SORBS2: variants seen among roughly 807,000 people sequenced by gnomAD.
SORBS2 encodes the protein sorbin and SH3 domain containing 2.
In SORBS2, 46 loss-of-function variants were observed where a neutral mutation model predicts 97.7. That is an observed-to-expected ratio of 0.47 (90% CI 0.37 to 0.60). The LOEUF (loss-of-function observed/expected upper bound fraction) is 0.60. Among genes scored for constraint, SORBS2 ranks in the 20% least tolerant of loss-of-function variants. The pLI, the probability that SORBS2 is intolerant of heterozygous loss-of-function variation, is 0.00. For synonymous variants in SORBS2, 476 were observed against 473.4 expected, an observed-to-expected ratio of 1.01 and a Z score of -0.07; for missense variants, 1,316 against 1,282.3, an observed-to-expected ratio of 1.03 and a Z score of -0.40.
At chr4:185,860,302 G>GA in intron 1 of SORBS2, among the ~76,000 whole-genome samples, 1 of 152,256 alleles carries the variant, frequency 6.6e-6, no homozygotes, top group Non-Finnish European at 1.5e-5. Flanking sequence ...AGAGGATGAT[G>GA]GTAAATAAAC....
chr4:185,658,062 G>A (rs746754435), upstream of SORBS2, among the ~76,000 whole-genome samples: 94 of 152,122 alleles, frequency 6.2e-4, no homozygotes, highest in Admixed American at 1.5e-3. Flanking sequence ...GTTTTGAAAT[G>A]TATTTCCAGA....
At chr4:185,759,820 T>C (rs1264506830) in intron 2 of SORBS2, among the ~76,000 whole-genome samples, 2 of 152,226 alleles carry the variant, frequency 1.3e-5, no homozygotes, top group Admixed American at 6.5e-5. Context: ...GTTGCTCTCA[T>C]GGTCTTATGT....
chr4:185,775,597 T>C (rs1360775150), intron 1 of SORBS2: 1 of 152,202 alleles, frequency 6.6e-6, no homozygotes, highest in Non-Finnish European at 1.5e-5. Context: ...AATATTCATT[T>C]AAATTTTGAG....
chr4:185,884,012 C>T (rs1026361), intron 1 of SORBS2, among the ~76,000 whole-genome samples: 41,736 of 151,944 alleles, frequency 0.27, 6,011 homozygotes, highest in East Asian at 0.54. Flanking sequence ...GACAGAAGTC[C>T]GATCAGTTTT....
exon 1 of SORBS2, chr4:185,656,714 C>T (rs2097411491): frequency 1.3e-6 from 2 of 1,546,982 alleles, no homozygotes. Flanking sequence ...CTGCTGCCTG[C>T]CCAGGCTCTC....
At chr4:185,626,797 T>G in intron 6 of SORBS2, 35 bp downstream of exon 18, 1 of 1,605,696 alleles carries the variant, frequency 6.2e-7, no homozygotes, top group Non-Finnish European at 8.5e-7. Flanking sequence ...AAACGTAAAC[T>G]AGTAAATTGT....
At chr4:185,709,612 C>T (rs2098400023) in intron 2 of SORBS2, among the ~76,000 whole-genome samples, 1 of 152,048 alleles carries the variant, frequency 6.6e-6, no homozygotes, top group South Asian at 2.1e-4. Flanking sequence ...ATTAACCTAC[C>T]CTTCCCTAAC....
chr4:185,600,885 C>A (rs1254387933), intron 12 of SORBS2, among the ~76,000 whole-genome samples: 1 of 151,256 alleles, frequency 6.6e-6, no homozygotes, highest in Non-Finnish European at 1.5e-5. Context: ...GAAGTGCCAA[C>A]CTGTGGGCTG....
chr4:185,718,580 G>A (rs1410682277), intron 2 of SORBS2, among the ~76,000 whole-genome samples: 1 of 152,170 alleles, frequency 6.6e-6, no homozygotes, highest in Admixed American at 6.5e-5. Context: ...GTGCACAGTT[G>A]GCGTACAGGT....
intron 2 of SORBS2, among the ~76,000 whole-genome samples, chr4:185,697,807 T>C (rs1424246779): frequency 6.6e-6 from 1 of 152,194 alleles, no homozygotes; most frequent in Non-Finnish European, 1.5e-5. Flanking sequence ...AGCACACATT[T>C]CTATTTTGAG....
intron 1 of SORBS2, among the ~76,000 whole-genome samples, chr4:185,903,113 A>G (rs2099248618): frequency 6.6e-6 from 1 of 152,246 alleles, no homozygotes. Context: ...AATATCAGCC[A>G]TCATTATTTC....
chr4:185,660,675 T>A, upstream of SORBS2, among the ~76,000 whole-genome samples: 1 of 152,154 alleles, frequency 6.6e-6, no homozygotes, highest in East Asian at 1.9e-4. Flanking sequence ...AGCCTCTCAA[T>A]ACTGAATCAG....
chr4:185,637,672 C>T (rs73030015), intron 4 of SORBS2, among the ~76,000 whole-genome samples: 6,667 of 152,150 alleles, frequency 0.044, 512 homozygotes, highest in African/African-American at 0.15. Context: ...GACAGAAGCC[C>T]GCACTCTCCA....
chr4:185,755,250 C>T (rs1028750660), intron 2 of SORBS2, among the ~76,000 whole-genome samples: 3 of 152,220 alleles, frequency 2.0e-5, no homozygotes, highest in African/African-American at 7.2e-5. Flanking sequence ...CCTCTTCCCA[C>T]TTTGGGACTG....
At chr4:185,733,597 G>T (rs898317226) in intron 2 of SORBS2, among the ~76,000 whole-genome samples, 1 of 152,212 alleles carries the variant, frequency 6.6e-6, no homozygotes, top group Non-Finnish European at 1.5e-5. Flanking sequence ...TGAAGCATCA[G>T]TGACCAAGAG....
chr4:185,831,522 G>A (rs1023204403), intron 1 of SORBS2, among the ~76,000 whole-genome samples: 4 of 152,214 alleles, frequency 2.6e-5, no homozygotes, highest in African/African-American at 9.6e-5. Flanking sequence ...GAATAGGAAA[G>A]GAATAACAAA....
At chr4:185,928,841 T>G (rs28507417) in intron 1 of SORBS2, among the ~76,000 whole-genome samples, 1 of 152,044 alleles carries the variant, frequency 6.6e-6, no homozygotes, top group Admixed American at 6.5e-5. Context: ...CCACCGCGCC[T>G]GGCCAAGAAG....
In SORBS2 at chr4:185,930,812, G is replaced by T. The variant is rs983627285; in HGVS notation, c.-338+25384C>A. 4.6e-5 allele frequency among the ~76,000 whole-genome samples: 7 copies of T among 152,280 alleles called. No individual in the cohort carries two copies. The East Asian group carries it at 1.3e-3, about 29-fold the overall frequency. ...AAAATAAAAAGAAGCAGAATTCTGTGATGGAAAAAGTAATAATGACTTGTA... is the reference window on the plus strand; with the variant it reads ...AAAATAAAAAGAAGCAGAATTCTGTTATGGAAAAAGTAATAATGACTTGTA... On this transcript the variant is annotated intron_variant, in intron 1 of 20. Transcript: ENST00000284776.
chr4:185,863,429 CT>C (rs879385589), intron 1 of SORBS2, among the ~76,000 whole-genome samples: 1 of 152,220 alleles, frequency 6.6e-6, no homozygotes, highest in Non-Finnish European at 1.5e-5. Context: ...TTATCACTAT[CT>C]CCAATTCAAT....
Sources: gnomAD v4.1 joint callset for allele counts (sites outside exome capture counted in the v4.1 genomes callset) on GRCh38, gnomAD v4.1.1 for gene constraint, MANE v1.5 for transcripts, NCBI Gene and HGNC (gene_info 2026-07-23, HGNC 2026-07-21) for gene names.